CAMTA1: variants seen among roughly 807,000 people sequenced by gnomAD.
CAMTA1 encodes the protein calmodulin-binding transcription activator 1.
Under a neutral mutation model 170.9 loss-of-function variants are expected in CAMTA1, and 27 were observed. The ratio of observed to expected loss-of-function variants is 0.16; its 90% CI spans 0.12 to 0.22. The LOEUF (loss-of-function observed/expected upper bound fraction) is 0.22. Ranked by LOEUF, CAMTA1 falls within the 10% of genes least tolerant of loss-of-function variation. CAMTA1 has a pLI of 1.00. For missense variants in CAMTA1, 1,619 were observed against 2,217.2 expected (o/e 0.73, Z 5.42); for synonymous variants, 833 against 891.5 (o/e 0.93, Z 1.17).
chr1:6,907,046 C>T (rs1678662705), intron 3 of CAMTA1, among the ~76,000 whole-genome samples: 1 of 152,116 alleles, frequency 6.6e-6, no homozygotes, highest in African/African-American at 2.4e-5. Flanking sequence ...AAATTGAGAT[C>T]CATCTTCGGG....
At chr1:7,385,966 G>A (rs889185783) in intron 5 of CAMTA1, among the ~76,000 whole-genome samples, 4 of 152,120 alleles carry the variant, frequency 2.6e-5, no homozygotes, top group Non-Finnish European at 5.9e-5. Flanking sequence ...TGGGCACCTG[G>A]GTGTTGCGTG....
At chr1:7,075,981 A>G (rs1409176469) in intron 3 of CAMTA1, among the ~76,000 whole-genome samples, 6 of 152,036 alleles carry the variant, frequency 3.9e-5, no homozygotes, top group Admixed American at 3.3e-4. Flanking sequence ...GTGATTTTAG[A>G]CCCTAACTTA....
intron 3 of CAMTA1, among the ~76,000 whole-genome samples, chr1:6,842,614 A>G (rs1557677730): frequency 1.3e-5 from 2 of 152,174 alleles, no homozygotes; most frequent in Admixed American, 1.3e-4. Context: ...TGCTTAAACA[A>G]ATTGTGGTTA....
intron 3 of CAMTA1, among the ~76,000 whole-genome samples, chr1:6,879,045 C>G (rs1039207909): frequency 1.3e-5 from 2 of 152,166 alleles, no homozygotes; most frequent in Admixed American, 1.3e-4. Flanking sequence ...CTTTGCTGAA[C>G]AGTGAATTAC....
Position 6,937,527 on chromosome 1 carries a change from CCATCACCATTCACCACTTACCACTACCAT to C in CAMTA1, c.234+112341_234+112369del, listed in dbSNP as rs1371186393. On this transcript the variant is annotated intron_variant, in intron 3 of 22. Transcript: ENST00000303635. ...CTTACTACCACTATCATCACCATCA[CCATCACCATTCACCACTTACCACTACCAT>C]CATCACCATTCACCACTTACCACCA... Among the ~76,000 whole-genome samples, 90 of 129,364 alleles carry C rather than the reference CCATCACCATTCACCACTTACCACTACCAT, an allele frequency of 7.0e-4. 8 individuals carry two copies. Among genetic ancestry groups the C allele is most frequent in the Middle Eastern group, 5.1e-3 (1 of 196 alleles). 84.9% of individuals were successfully genotyped at this position (129,364 alleles called of 152,430 possible). A position where few individuals can be genotyped will look rare whatever the true frequency, so the allele number is the denominator to read the frequency against.
At chr1:6,812,512 A>G (rs903124443) in intron 1 of CAMTA1, among the ~76,000 whole-genome samples, 7 of 152,250 alleles carry the variant, frequency 4.6e-5, no homozygotes, top group South Asian at 2.1e-4. Context: ...ATGGGTAACA[A>G]TAAGTACTAC....
At chr1:6,962,913 C>G (rs1690750255) in intron 3 of CAMTA1, among the ~76,000 whole-genome samples, 1 of 149,910 alleles carries the variant, frequency 6.7e-6, no homozygotes, top group Admixed American at 6.6e-5. Context: ...TCCTTGCCTG[C>G]CGAGCTCCTC....
chr1:7,238,902 T>C (rs560837781), intron 4 of CAMTA1, among the ~76,000 whole-genome samples: 2 of 152,148 alleles, frequency 1.3e-5, no homozygotes, highest in African/African-American at 4.8e-5. Flanking sequence ...CAAAATATAT[T>C]TACCGAGCAG....
At chr1:7,541,068 C>T (rs564535135) in intron 6 of CAMTA1, among the ~76,000 whole-genome samples, 1 of 152,348 alleles carries the variant, frequency 6.6e-6, no homozygotes, top group African/African-American at 2.4e-5. Context: ...CTGTGCTGGG[C>T]AGGACAGAGT....
chr1:7,726,281 G>GT (rs1240883091), intron 11 of CAMTA1, among the ~76,000 whole-genome samples: 1 of 152,076 alleles, frequency 6.6e-6, no homozygotes, highest in Non-Finnish European at 1.5e-5. Flanking sequence ...AAAGTTTATA[G>GT]TTTCGCTGGG....
intron 3 of CAMTA1, among the ~76,000 whole-genome samples, chr1:6,847,760 G>T (rs1373737462): frequency 6.6e-6 from 1 of 150,890 alleles, no homozygotes; most frequent in Non-Finnish European, 1.5e-5. Context: ...CTGGAGTACA[G>T]TGGCGGGATC....
chr1:7,270,551 C>T (rs1669650172), intron 5 of CAMTA1, among the ~76,000 whole-genome samples: 1 of 152,080 alleles, frequency 6.6e-6, no homozygotes, highest in Non-Finnish European at 1.5e-5. Flanking sequence ...CTGCCTTGGC[C>T]TCCCAAAGTA....
intron 3 of CAMTA1, among the ~76,000 whole-genome samples, chr1:7,072,883 A>G (rs1638826952): frequency 6.6e-6 from 1 of 152,194 alleles, no homozygotes; most frequent in Non-Finnish European, 1.5e-5. Flanking sequence ...GATCAGAGGA[A>G]TCCTGGGGCC....
intron 16 of CAMTA1, 137 bp from the exon 17 acceptor site, chr1:7,744,698 C>T: frequency 1.5e-6 from 1 of 658,402 alleles, no homozygotes; most frequent in Non-Finnish European, 2.6e-6. Context: ...AATGGTATTT[C>T]ATTGCATTGG....
intron 5 of CAMTA1, among the ~76,000 whole-genome samples, chr1:7,328,798 A>G (rs772139637): frequency 1.3e-5 from 2 of 151,532 alleles, no homozygotes; most frequent in Non-Finnish European, 2.9e-5. Flanking sequence ...TTTCCCCCCA[A>G]ATCTGCCTTG....
At chr1:6,947,715 G>GT (rs1285491896) in intron 3 of CAMTA1, among the ~76,000 whole-genome samples, 7 of 152,046 alleles carry the variant, frequency 4.6e-5, no homozygotes, top group African/African-American at 1.7e-4. Context: ...GTTATATATA[G>GT]TTTTCAGAGT....
chr1:7,063,544 T>C lies in CAMTA1; in HGVS notation c.235-27760T>C, dbSNP rs902295842. On this transcript the variant is annotated intron_variant, in intron 3 of 22. Coordinates refer to ENST00000303635, the MANE Select transcript of CAMTA1 (RefSeq NM_015215.4). The surrounding 1 kb of genome is among the most constrained non-coding windows in gnomAD (Gnocchi z 4.3). ...AACTTTCCAACTCTTGAAAGATTTC[T>C]TCTGAAGAATTATGGCTATATCTCC... Among the ~76,000 whole-genome samples, 1 of 152,236 alleles carries C rather than the reference T, an allele frequency of 6.6e-6. No individual in the cohort carries two copies. The highest frequency in any genetic ancestry group is 2.4e-5 in the African/African-American group (1 of 41,466).
rs1342895024 is a variant in CAMTA1 at position 7,682,282 on chromosome 1, C to G, written c.2914+4549C>G. Among the ~76,000 whole-genome samples, 1 of 152,204 alleles carries G rather than the reference C, an allele frequency of 6.6e-6. No homozygotes were observed. The highest frequency in any genetic ancestry group is 6.5e-5 in the Admixed American group (1 of 15,288). ...AGCCTCAGTGTAAGGTGGGTGAGCC[C>G]AGACAGCTTGCCCCTGCAGCTGGCC... On this transcript the variant is annotated intron_variant, in intron 11 of 22. Transcript: ENST00000303635. This position sits in a 1 kb window ranked among gnomAD's most constrained non-coding sequence, Gnocchi z 5.0.
At chr1:7,186,090 A>G (rs912330021) in intron 4 of CAMTA1, among the ~76,000 whole-genome samples, 10 of 152,136 alleles carry the variant, frequency 6.6e-5, no homozygotes, top group African/African-American at 2.4e-4. Context: ...GCTTTGCCTT[A>G]CTCTAAAACA....
Sources: gnomAD v4.1 joint callset for allele counts (sites outside exome capture counted in the v4.1 genomes callset) on GRCh38, gnomAD v4.1.1 for gene constraint, Gnocchi (gnomAD v3.1) non-coding constraint, MANE v1.5 for transcripts, NCBI Gene and HGNC (gene_info 2026-07-23, HGNC 2026-07-21) for gene names.